MNAT1: variants seen among roughly 807,000 people sequenced by gnomAD.
MNAT1 encodes CDK-activating kinase assembly factor MAT1.
A neutral mutation model predicts 42.0 loss-of-function variants in MNAT1; 43 were observed. The observed-to-expected ratio is 1.02, with a 90% CI of 0.80 to 1.32. The LOEUF (loss-of-function observed/expected upper bound fraction) is 1.32, where lower values mean the gene tolerates loss of function less well. Ranked by LOEUF, MNAT1 falls within the 40% of genes most tolerant of loss-of-function variation. The pLI, the probability that MNAT1 is intolerant of heterozygous loss-of-function variation, is 0.00. For missense variants in MNAT1, 306 were observed against 350.4 expected (o/e 0.87, Z 1.01); for synonymous variants, 118 against 120.0 (o/e 0.98, Z 0.11).
intron 7 of MNAT1, among the ~76,000 whole-genome samples, chr14:60,967,404 A>C (rs530942515): frequency 2.0e-5 from 3 of 152,354 alleles, no homozygotes; most frequent in Admixed American, 6.5e-5. Flanking sequence ...GAAACAAGTT[A>C]GTTTCTTAAA....
chr14:60,925,511 G>A (rs528003949), intron 7 of MNAT1, among the ~76,000 whole-genome samples: 1 of 152,240 alleles, frequency 6.6e-6, no homozygotes, highest in Admixed American at 6.5e-5. Flanking sequence ...GCTTAGTTTT[G>A]CCATGCATCC....
intron 7 of MNAT1, chr14:60,919,956 T>C (rs960138878): frequency 1.3e-5 from 2 of 156,904 alleles, no homozygotes; most frequent in Non-Finnish European, 2.9e-5. Context: ...TACTGGATGA[T>C]GCCATCCAAC....
chr14:60,785,169 T>A (rs1323690677), intron 1 of MNAT1, among the ~76,000 whole-genome samples: 1 of 152,246 alleles, frequency 6.6e-6, no homozygotes, highest in African/African-American at 2.4e-5. Context: ...GAACATTTAC[T>A]ATGTATCAGG....
intron 6 of MNAT1, among the ~76,000 whole-genome samples, chr14:60,856,085 A>C (rs7150085): frequency 1.3e-5 from 2 of 152,218 alleles, no homozygotes; most frequent in African/African-American, 4.8e-5. Flanking sequence ...AGAAACGATT[A>C]AGCTTCCTAA....
rs146415740 is a variant in MNAT1, at chr14:60,940,574, C to T, written c.810-27655C>T. Among the ~76,000 whole-genome samples the T allele has an allele frequency of 2.0e-3, 301 of 152,256 alleles. 2 individuals are homozygous for T. The highest frequency in any genetic ancestry group is 7.5e-3 in the South Asian group (36 of 4,830). On this transcript the variant is annotated intron_variant, in intron 7 of 7. Transcript: ENST00000261245. ...CTGGGACTACAGGTGCCTGTCACCA[C>T]GCCCAGCTAATTTTTTGTATTTTTA... is the stretch of plus-strand genomic sequence containing the variant.
intron 1 of MNAT1, among the ~76,000 whole-genome samples, chr14:60,735,832 C>T (rs1896290087): frequency 6.6e-6 from 1 of 152,190 alleles, no homozygotes; most frequent in Non-Finnish European, 1.5e-5. Flanking sequence ...CTAGAAAGCA[C>T]TTTGAGATAA....
At chr14:60,803,017 C>T (rs541832455) in intron 3 of MNAT1, among the ~76,000 whole-genome samples, 14 of 150,906 alleles carry the variant, frequency 9.3e-5, no homozygotes, top group Non-Finnish European at 1.6e-4. Flanking sequence ...ACTGCATCCT[C>T]CGCCTCCCGG....
At chr14:60,912,546 G>T (rs2035395983) in intron 7 of MNAT1, among the ~76,000 whole-genome samples, 1 of 152,096 alleles carries the variant, frequency 6.6e-6, no homozygotes, top group Non-Finnish European at 1.5e-5. Flanking sequence ...GCATTTGCTT[G>T]TCTATAAAGG....
intron 7 of MNAT1, among the ~76,000 whole-genome samples, chr14:60,922,653 G>T (rs1206340139): frequency 6.6e-6 from 1 of 151,974 alleles, no homozygotes; most frequent in Non-Finnish European, 1.5e-5. Flanking sequence ...AAAACTTCTA[G>T]GGGAGGGAGA....
chr14:60,947,408 T>C (rs1276095105), intron 7 of MNAT1, among the ~76,000 whole-genome samples: 1 of 152,104 alleles, frequency 6.6e-6, no homozygotes, highest in Non-Finnish European at 1.5e-5. Context: ...TATGTTAAAT[T>C]GTCCAGGCTC....
intron 7 of MNAT1, among the ~76,000 whole-genome samples, chr14:60,959,637 T>C (rs2036551876): frequency 1.3e-5 from 2 of 152,246 alleles, no homozygotes; most frequent in Admixed American, 6.5e-5. Flanking sequence ...ATGGAATTTT[T>C]GTGTCATTAC....
chr14:60,747,997 C>G (rs575629722), intron 1 of MNAT1, among the ~76,000 whole-genome samples: 1 of 152,178 alleles, frequency 6.6e-6, no homozygotes, highest in Admixed American at 6.5e-5. Context: ...GAGATCGAGA[C>G]CATCCTGGCT....
chr14:60,944,133 A>G (rs1468787448), intron 7 of MNAT1, among the ~76,000 whole-genome samples: 1 of 152,214 alleles, frequency 6.6e-6, no homozygotes, highest in East Asian at 1.9e-4. Context: ...ATCAGAATAT[A>G]TTAACTAGTA....
intron 7 of MNAT1, among the ~76,000 whole-genome samples, chr14:60,933,130 G>A (rs1261800061): frequency 1.3e-5 from 2 of 151,968 alleles, no homozygotes; most frequent in Admixed American, 1.3e-4. Flanking sequence ...ATATATGGAA[G>A]AGCCTAGAAT....
chr14:60,942,408 A>G (rs1430462146), intron 7 of MNAT1, among the ~76,000 whole-genome samples: 1 of 151,692 alleles, frequency 6.6e-6, no homozygotes, highest in Non-Finnish European at 1.5e-5. Context: ...ATTTGCTGTC[A>G]CAAGAAAGGG....
In MNAT1 at chr14:60,883,000, G is replaced by C. The variant is rs142121739; in HGVS notation, c.809+3165G>C. Among the ~76,000 whole-genome samples, 1,032 of 152,150 alleles carry C rather than the reference G, an allele frequency of 6.8e-3. 16 individuals carry two copies. Among genetic ancestry groups the C allele is most frequent in the African/African-American group, 0.023 (940 of 41,520 alleles). ...TGGTTAATAATGCCTTGTCAGATGG[G>C]TAGTTTGAAAATATTTTCTCCCATT... On this transcript the variant is annotated intron_variant, in intron 7 of 7. Coordinates refer to ENST00000261245, the MANE Select transcript of MNAT1 (RefSeq NM_002431.4).
At chr14:60,787,433 C>G (rs1262457871) in intron 1 of MNAT1, among the ~76,000 whole-genome samples, 1 of 152,162 alleles carries the variant, frequency 6.6e-6, no homozygotes, top group African/African-American at 2.4e-5. Context: ...AGTAGAAGGT[C>G]TTGCCCAGAT....
chr14:60,775,875 T>C (rs2031233564), intron 1 of MNAT1, among the ~76,000 whole-genome samples: 1 of 152,182 alleles, frequency 6.6e-6, no homozygotes, highest in Non-Finnish European at 1.5e-5. Context: ...ATTCAGGGAA[T>C]GGGAAAATGA....
rs777612352 is a variant in MNAT1 at position 60,968,282 on chromosome 14, C to A, written c.863C>A (p.Thr288Asn). The change falls in exon 8 of 8, where the codon ACT (threonine) becomes AAT (asparagine). Residue 288 changes from threonine to asparagine, a missense_variant. Physicochemically the swap from Thr to Asn is moderately conservative, Grantham distance 65. Transcript: ENST00000261245. The stretch of plus-strand genomic sequence containing the variant: ...CCACAGGACCTTGCTGGAGGCTATA[C>A]TTCTTCTCTTGCTTGTCACAGAGCA... ...ASPQDLAGGY[T>N]SSLACHRALQ... 2 of 1,613,846 alleles carry A rather than the reference C, an allele frequency of 1.2e-6. No homozygotes were observed. Among genetic ancestry groups the A allele is most frequent in the Non-Finnish European group, 1.7e-6 (2 of 1,179,918 alleles).
Sources: gnomAD v4.1 joint callset for allele counts (sites outside exome capture counted in the v4.1 genomes callset) on GRCh38, gnomAD v4.1.1 for gene constraint, MANE v1.5 for transcripts, NCBI Gene and HGNC (gene_info 2026-07-23, HGNC 2026-07-21) for gene names.